Variants in HMBOX1 observed in about 807,000 individuals in gnomAD.
HMBOX1 encodes the protein homeobox containing 1, also known as homeobox-containing protein 1.
HMBOX1 carries 14 observed loss-of-function variants against 54.5 expected under a neutral mutation model. The observed-to-expected ratio is 0.26, with a 90% confidence interval of 0.17 to 0.40. HMBOX1 has a LOEUF of 0.40. HMBOX1 is among the 10% of genes least tolerant of loss of function. The probability of loss-of-function intolerance (pLI) is 1.00; values close to 1 mark genes in which losing one functional copy is unlikely to be tolerated. For synonymous variants in HMBOX1, 160 were observed against 181.0 expected (o/e 0.88, Z 0.93); for missense variants, 332 against 514.4 (o/e 0.65, Z 3.43).
intron 3 of HMBOX1, among the ~76,000 whole-genome samples, chr8:28,976,544 C>G (rs1828403896): frequency 6.6e-6 from 1 of 152,108 alleles, no homozygotes; most frequent in African/African-American, 2.4e-5. Context: ...AGCCACTGCA[C>G]CTGGCCAGTG....
At chr8:28,916,752 CT>C (rs547465967) in intron 1 of HMBOX1, among the ~76,000 whole-genome samples, 6 of 149,590 alleles carry the variant, frequency 4.0e-5, no homozygotes, top group African/African-American at 1.2e-4. Context: ...AGTCTTCCAA[CT>C]TTTTTTTTTA....
chr8:29,042,326 G>T (rs1317878509), intron 6 of HMBOX1, among the ~76,000 whole-genome samples: 1 of 152,192 alleles, frequency 6.6e-6, no homozygotes, highest in East Asian at 1.9e-4. Context: ...ATCTTCCTCT[G>T]CCATAAGATG....
intron 1 of HMBOX1, among the ~76,000 whole-genome samples, chr8:28,896,447 T>C (rs1477544349): frequency 1.6e-5 from 2 of 124,692 alleles, no homozygotes; most frequent in Admixed American, 7.7e-5. Context: ...GATTGAATGA[T>C]TCTCCTCCTC....
intron 1 of HMBOX1, among the ~76,000 whole-genome samples, chr8:28,893,480 C>T (rs1040061482): frequency 6.6e-6 from 1 of 152,140 alleles, no homozygotes; most frequent in African/African-American, 2.4e-5. Context: ...TAGTTTACTG[C>T]ATTTAGTGAA....
At chr8:29,006,675 G>C (rs1047906877) in intron 4 of HMBOX1, among the ~76,000 whole-genome samples, 2 of 151,864 alleles carry the variant, frequency 1.3e-5, no homozygotes, top group Non-Finnish European at 2.9e-5. Flanking sequence ...CCAGTGTTTT[G>C]TTATATAAAT....
chr8:28,972,027 A>G (rs1459690258), intron 3 of HMBOX1, among the ~76,000 whole-genome samples: 1 of 152,258 alleles, frequency 6.6e-6, no homozygotes, highest in East Asian at 1.9e-4. Context: ...TATGTCCAAT[A>G]GTACCACAAT....
rs191097384 is a variant in HMBOX1 at position 28,933,598 on chromosome 8, C to A, written c.-57-30213C>A. Among the ~76,000 whole-genome samples, 2 of 151,194 alleles carry A rather than the reference C, an allele frequency of 1.3e-5. 1 individual carries two copies. The highest frequency in any genetic ancestry group is 4.2e-4 in the South Asian group (2 of 4,794). On this transcript the variant is annotated intron_variant, in intron 1 of 9. Coordinates refer to ENST00000287701, the MANE Select transcript of HMBOX1 (RefSeq NM_001135726.3). ...AAGAAGAGGCACAAATTACCAATAT[C>A]TGGAATGAAAGAGGTGATATTACTG...
At chr8:28,894,364 C>T (rs1259190742) in intron 1 of HMBOX1, among the ~76,000 whole-genome samples, 1 of 152,070 alleles carries the variant, frequency 6.6e-6, no homozygotes, top group Non-Finnish European at 1.5e-5. Flanking sequence ...GAATCTGAGC[C>T]ACAAATAGCA....
chr8:28,979,070 G>A (rs1341294481), intron 3 of HMBOX1, among the ~76,000 whole-genome samples: 2 of 152,210 alleles, frequency 1.3e-5, no homozygotes, highest in Non-Finnish European at 2.9e-5. Context: ...ATAGGTGGCA[G>A]GCTAGAATTA....
At chr8:28,962,322 A>C (rs1298266576) in intron 1 of HMBOX1, among the ~76,000 whole-genome samples, 1 of 152,108 alleles carries the variant, frequency 6.6e-6, no homozygotes, top group Non-Finnish European at 1.5e-5. Context: ...TGGTTACATA[A>C]ATTTGTATCA....
At chr8:28,960,753 CTT>C (rs1023356056) in intron 1 of HMBOX1, among the ~76,000 whole-genome samples, 3 of 65,658 alleles carry the variant, frequency 4.6e-5, no homozygotes, top group African/African-American at 1.2e-4. Flanking sequence ...TTCTCTTTTT[CTT>C]TTTCTTTTTC....
intron 7 of HMBOX1, among the ~76,000 whole-genome samples, chr8:29,047,110 T>C (rs927712146): frequency 1.3e-5 from 2 of 152,264 alleles, no homozygotes; most frequent in African/African-American, 4.8e-5. Flanking sequence ...TCTAATATTA[T>C]GTATGGCTTT....
At chr8:29,042,723 G>A (rs1409590210) in intron 6 of HMBOX1, 1 of 455,908 alleles carries the variant, frequency 2.2e-6, no homozygotes, top group Non-Finnish European at 4.4e-6. Context: ...GGACAGGTAT[G>A]GTGGAAGGAC....
chr8:28,968,656 G>T (rs1826863115), intron 2 of HMBOX1, among the ~76,000 whole-genome samples: 1 of 152,182 alleles, frequency 6.6e-6, no homozygotes, highest in Non-Finnish European at 1.5e-5. Context: ...CATGTAGAAG[G>T]ACAAAGAAAC....
At chr8:28,954,671 T>C (rs1264028949) in intron 1 of HMBOX1, among the ~76,000 whole-genome samples, 2 of 152,126 alleles carry the variant, frequency 1.3e-5, no homozygotes, top group Admixed American at 1.3e-4. Context: ...TTTGACAAAA[T>C]CTGTCATAAC....
At chr8:29,029,570 A>G (rs1364619138) in intron 6 of HMBOX1, among the ~76,000 whole-genome samples, 1 of 152,246 alleles carries the variant, frequency 6.6e-6, no homozygotes, top group Non-Finnish European at 1.5e-5. Flanking sequence ...CATTACTGCA[A>G]AGAATAAGGA....
rs79669764 is a variant in HMBOX1, at chr8:28,989,362, C to A, written c.586+9206C>A. Among the ~76,000 whole-genome samples the A allele has an allele frequency of 9.1e-3, 1,381 of 151,788 alleles. 22 individuals carry two copies. Among genetic ancestry groups the A allele is most frequent in the African/African-American group, 0.031 (1,297 of 41,458 alleles). On this transcript the variant is annotated intron_variant, in intron 4 of 9. Transcript: ENST00000287701. ...GTAAGTTTTATAGTTTTAGCTCTTA[C>A]ATTAGGTCAATGGACCATTTAAAAT... is the stretch of plus-strand genomic sequence containing the variant.
intron 6 of HMBOX1, among the ~76,000 whole-genome samples, chr8:29,034,831 G>A (rs1402935389): frequency 2.0e-5 from 3 of 152,066 alleles, no homozygotes; most frequent in African/African-American, 7.2e-5. Flanking sequence ...TACTCCAGCC[G>A]GGGCAGCAGA....
rs548268314 is a variant in HMBOX1, at chr8:28,994,527, G to A, written c.586+14371G>A. ...GCTGGAGAAAAGATTCTACACTACT[G>A]TTAAAAGAAAATAATGAATGTTTTT... On this transcript the variant is annotated intron_variant, in intron 4 of 9. Coordinates refer to ENST00000287701, the MANE Select transcript of HMBOX1 (RefSeq NM_001135726.3). 2.0e-5 allele frequency among the ~76,000 whole-genome samples: 3 copies of A among 152,204 alleles called. No homozygotes were observed. In the South Asian group the frequency reaches 6.2e-4, roughly 32 times the overall value.
Sources: allele counts gnomAD v4.1 joint callset (sites outside exome capture counted in the v4.1 genomes callset), GRCh38; gene constraint gnomAD v4.1.1; transcripts MANE v1.5; gene names NCBI Gene and HGNC (gene_info 2026-07-23, HGNC 2026-07-21).